The following CC2D2A variants were observed in gnomAD, a reference collection of about 807,000 sequenced individuals.
The protein encoded by CC2D2A is coiled-coil and C2 domain containing 2A.
CC2D2A carries 155 observed loss-of-function variants against 212.9 expected under a neutral mutation model. The observed-to-expected ratio is 0.73, with a 90% CI of 0.64 to 0.83. The LOEUF (loss-of-function observed/expected upper bound fraction) is 0.83. Ranked by LOEUF, CC2D2A falls within the 40% of genes least tolerant of loss-of-function variation. The pLI, the probability that CC2D2A is intolerant of heterozygous loss-of-function variation, is 0.00. For synonymous variants in CC2D2A, 667 were observed against 686.5 expected, an observed-to-expected ratio of 0.97 and a Z score of 0.44; for missense variants, 1,856 against 1,956.2, an observed-to-expected ratio of 0.95 and a Z score of 0.97.
rs889273264 is a variant in CC2D2A, at chr4:15,492,739, A to G, written c.248-9690A>G. Reference sequence around the variant, plus strand: ...CCAGGGGTCTTACTCCTTGGAGGCCATGTGGGCCATGAGGTCCACCACTCT... The same window carrying G: ...CCAGGGGTCTTACTCCTTGGAGGCCGTGTGGGCCATGAGGTCCACCACTCT... On this transcript the variant is annotated intron_variant, in intron 4 of 36. Coordinates refer to ENST00000424120, the MANE Select transcript of CC2D2A (RefSeq NM_001378615.1). 6 of 816,294 alleles carry G rather than the reference A, an allele frequency of 7.4e-6. No individual in the cohort carries two copies. The Admixed American group carries it at 9.6e-5, about 13-fold the overall frequency. 50.6% of individuals were successfully genotyped at this position (816,294 alleles called of 1,614,324 possible). A position where few individuals can be genotyped will look rare whatever the true frequency, so the allele number is the denominator to read the frequency against.
intron 19 of CC2D2A, 130 bp downstream of exon 19, chr4:15,553,435 T>C: frequency 9.0e-7 from 1 of 1,115,938 alleles, no homozygotes. Context: ...CAAGAGTTTT[T>C]TATTCTTAAG....
rs377039521 is a variant in CC2D2A at position 15,547,672 on chromosome 4, A to T, written c.2182-3152A>T. Among the ~76,000 whole-genome samples, 199 of 152,340 alleles carry T rather than the reference A, an allele frequency of 1.3e-3. 2 individuals are homozygous for T. The highest frequency in any genetic ancestry group is 4.5e-3 in the African/African-American group (189 of 41,574). ...ATGAAACTAAATTATACAGAGATCT[A>T]CTTATAAATACCTACTTAAAGCCCA... On this transcript the variant is annotated intron_variant, in intron 17 of 36. Transcript: ENST00000424120.
intron 4 of CC2D2A, among the ~76,000 whole-genome samples, chr4:15,485,684 C>G (rs1428774480): frequency 1.3e-5 from 2 of 152,116 alleles, no homozygotes; most frequent in Non-Finnish European, 2.9e-5. Context: ...AGTAAGATAT[C>G]TCATTGTGGT....
chr4:15,564,435 G>A (rs1719785919), intron 24 of CC2D2A, among the ~76,000 whole-genome samples: 1 of 152,138 alleles, frequency 6.6e-6, no homozygotes, highest in Admixed American at 6.5e-5. Context: ...CATTCACCAT[G>A]TTTCAAGCAC....
intron 4 of CC2D2A, among the ~76,000 whole-genome samples, chr4:15,488,804 G>A (rs1715146477): frequency 6.6e-6 from 1 of 152,242 alleles, no homozygotes; most frequent in African/African-American, 2.4e-5. Context: ...CTCACACACT[G>A]CTTCGGGCAC....
At chr4:15,590,384 G>A (rs930368443) in intron 33 of CC2D2A, among the ~76,000 whole-genome samples, 3 of 152,160 alleles carry the variant, frequency 2.0e-5, no homozygotes, top group African/African-American at 7.2e-5. Context: ...GCATGATGGT[G>A]TGACTCTGTA....
chr4:15,472,329 T>C (rs1713886709), intron 1 of CC2D2A, among the ~76,000 whole-genome samples: 1 of 152,192 alleles, frequency 6.6e-6, no homozygotes, highest in Non-Finnish European at 1.5e-5. Flanking sequence ...ACAAAATAAG[T>C]GTGCAGTAAA....
At chr4:15,558,137 CAG>C (rs964289084) in intron 21 of CC2D2A, among the ~76,000 whole-genome samples, 2 of 152,142 alleles carry the variant, frequency 1.3e-5, no homozygotes, top group Non-Finnish European at 2.9e-5. Flanking sequence ...CCAGTGAAAC[CAG>C]ATGCATGCAC....
chr4:15,536,974 T>C lies in CC2D2A; in HGVS notation c.1662T>C (p.Ala554=). Residue 554 remains alanine, a synonymous_variant, in exon 15 of 37, where the codon GCT becomes GCC. Coordinates refer to ENST00000424120, the MANE Select transcript of CC2D2A (RefSeq NM_001378615.1). ...AAGCATATGAAGCAGAAATTCAAGC[T>C]GAAATAAGTGAACTGTTAGAAGAGC... is the stretch of plus-strand genomic sequence containing the variant. ...DEEAYEAEIQ[A]EISELLEEHT... 1 of 1,613,778 alleles carries C rather than the reference T, an allele frequency of 6.2e-7. No individual in the cohort carries two copies. The highest frequency in any genetic ancestry group is 8.5e-7 in the Non-Finnish European group (1 of 1,179,784).
At chr4:15,541,431 C>T (rs1385560382) in intron 17 of CC2D2A, among the ~76,000 whole-genome samples, 4 of 152,016 alleles carry the variant, frequency 2.6e-5, no homozygotes, top group African/African-American at 4.8e-5. Context: ...AAATATGTCT[C>T]GATAGAGTCT....
intron 29 of CC2D2A, among the ~76,000 whole-genome samples, chr4:15,575,548 AAGACTT>A (rs1720367490): frequency 6.6e-6 from 1 of 152,308 alleles, no homozygotes; most frequent in East Asian, 1.9e-4. Context: ...CATTATAATT[AAGACTT>A]AGATAGAGAT....
intron 30 of CC2D2A, among the ~76,000 whole-genome samples, chr4:15,583,820 G>A (rs528061603): frequency 1.3e-4 from 19 of 151,792 alleles, no homozygotes; most frequent in South Asian, 1.0e-3. Flanking sequence ...GCGTGGTGGC[G>A]GGCACCTGTA....
intron 11 of CC2D2A, 139 bp downstream of exon 11, chr4:15,516,895 T>G: frequency 1.5e-6 from 1 of 670,810 alleles, no homozygotes; most frequent in South Asian, 3.9e-5. Context: ...AGAACAAACA[T>G]CAGGCATATT....
chr4:15,566,808 T>C (rs563358566), intron 24 of CC2D2A, among the ~76,000 whole-genome samples: 1 of 152,004 alleles, frequency 6.6e-6, no homozygotes, highest in African/African-American at 2.4e-5. Context: ...CTCTGGTCCC[T>C]ACAAAAAATT....
chr4:15,558,166 C>G (rs1265742786), intron 21 of CC2D2A, among the ~76,000 whole-genome samples: 7 of 151,892 alleles, frequency 4.6e-5, no homozygotes, highest in Non-Finnish European at 5.9e-5. Flanking sequence ...TTTCTTTTTC[C>G]CTGCTTTTCA....
At chr4:15,584,331 C>A (rs1720775050) in intron 30 of CC2D2A, among the ~76,000 whole-genome samples, 1 of 152,188 alleles carries the variant, frequency 6.6e-6, no homozygotes, top group South Asian at 2.1e-4. Flanking sequence ...GGATAGCAAA[C>A]CCAGAAATAA....
intron 32 of CC2D2A, among the ~76,000 whole-genome samples, chr4:15,588,682 G>A (rs1053917641): frequency 1.3e-5 from 2 of 152,112 alleles, no homozygotes; most frequent in African/African-American, 4.8e-5. Context: ...AGATAGTCTG[G>A]TCCCAATAAA....
At chr4:15,576,261 A>C (rs542407318) in intron 29 of CC2D2A, 1 of 333,722 alleles carries the variant, frequency 3.0e-6, no homozygotes, top group Non-Finnish European at 4.3e-6. Context: ...CAGTGGCAGA[A>C]AACACTGCTC....
At chr4:15,594,750 C>T (rs1721243635) in intron 33 of CC2D2A, among the ~76,000 whole-genome samples, 1 of 152,118 alleles carries the variant, frequency 6.6e-6, no homozygotes, top group South Asian at 2.1e-4. Flanking sequence ...GCTAATGATA[C>T]AATTTACCAC....
Sources: allele counts gnomAD v4.1 joint callset (sites outside exome capture counted in the v4.1 genomes callset), GRCh38; gene constraint gnomAD v4.1.1; transcripts MANE v1.5; gene names NCBI Gene and HGNC (gene_info 2026-07-23, HGNC 2026-07-21).